The following MCRS1 variants were observed in gnomAD, a reference collection of about 807,000 sequenced individuals.
MCRS1 encodes the protein 58 kDa microspherule protein.
MCRS1 carries 22 observed loss-of-function variants against 62.9 expected under a neutral mutation model. That is an observed-to-expected ratio of 0.35 (90% confidence interval 0.25 to 0.50). The LOEUF (loss-of-function observed/expected upper bound fraction) is 0.50. Ranked by LOEUF, MCRS1 falls within the 20% of genes least tolerant of loss-of-function variation. The pLI is 0.98. For missense variants in MCRS1, 456 were observed against 601.1 expected, an observed-to-expected ratio of 0.76 and a Z score of 2.52; for synonymous variants, 244 against 233.5, an observed-to-expected ratio of 1.04 and a Z score of -0.41.
At chr12:49,558,762 G>A in intron 14 of MCRS1, 33 bp from the exon 15 acceptor site, 1 of 1,613,626 alleles carries the variant, frequency 6.2e-7, no homozygotes, top group South Asian at 1.1e-5. Context: ...TTAAGACAGA[G>A]GTGGCACCAG....
At position 49,564,997 on chromosome 12, in the gene MCRS1, C is replaced by T. The variant is rs1938979417; in HGVS notation, c.289-102G>A. On this transcript the variant is annotated intron_variant, in intron 4 of 14. Transcript: ENST00000343810. ...TACTCTGTGGCAGCGGCAGCCCCAG[C>T]CCCAGCCTCAGCACCAACTCCAGCC... The T allele has an allele frequency of 9.6e-6, 14 of 1,454,790 alleles. No homozygotes were observed. In the South Asian group the frequency reaches 1.7e-4, roughly 17 times the overall value. 90.1% of individuals were successfully genotyped at this position (1,454,790 alleles called of 1,614,324 possible).
At chr12:49,566,019 C>T (rs1356522405) in intron 3 of MCRS1, 58 bp downstream of exon 3, 15 of 1,568,770 alleles carry the variant, frequency 9.6e-6, no homozygotes, top group Non-Finnish European at 1.3e-5. Context: ...GCATGTGGCA[C>T]TTAACGCCAC....
intron 1 of MCRS1, 118 bp downstream of exon 1, chr12:49,567,930 G>A (rs973232387): frequency 4.6e-5 from 7 of 152,244 alleles, no homozygotes; most frequent in African/African-American, 1.4e-4. Flanking sequence ...GCTTTTCGGG[G>A]CGCCACTGGG....
In MCRS1 at chr12:49,559,471, G is replaced by A. The variant is rs1202121352; in HGVS notation, c.1068C>T (p.Tyr356=). The change falls in exon 12 of 15, where the codon TAC becomes TAT. Residue 356 remains tyrosine, a synonymous_variant. Transcript: ENST00000343810. This position sits in a 1 kb window ranked among gnomAD's most constrained non-coding sequence, Gnocchi z 5.2. The part of the protein sequence containing the change: ...LAVLRGRMVR[Y]LMRSREITLG... ...GCCTCACCTCACGCGAGCGCATCAGGTACCGCACCATGCGGCCCCGCAGCA... is the reference window on the plus strand; with the variant it reads ...GCCTCACCTCACGCGAGCGCATCAGATACCGCACCATGCGGCCCCGCAGCA... 1.2e-6 allele frequency: 2 copies of A among 1,613,732 alleles called. No homozygotes were observed. The highest frequency in any genetic ancestry group is 1.1e-5 in the South Asian group (1 of 91,090).
At chr12:49,566,476 T>G (rs745513135) in intron 2 of MCRS1, 5 of 1,557,922 alleles carry the variant, frequency 3.2e-6, no homozygotes, top group Non-Finnish European at 1.7e-6. Flanking sequence ...AGACTGGTGA[T>G]GCCGACACGC....
At chr12:49,562,388 T>C (rs1166521392) in intron 8 of MCRS1, among the ~76,000 whole-genome samples, 1 of 152,198 alleles carries the variant, frequency 6.6e-6, no homozygotes, top group African/African-American at 2.4e-5. Context: ...AGTGCTGTGC[T>C]GTTGAGGCAA....
At chr12:49,564,613 G>C (rs183318411) in intron 5 of MCRS1, 23 bp from the exon 6 acceptor site, 522 of 1,608,928 alleles carry the variant, frequency 3.2e-4, no homozygotes, top group Non-Finnish European at 4.3e-4. Context: ...AGAAGGATTT[G>C]CTCCAGCCTT....
chr12:49,564,578 T>C lies in MCRS1; in HGVS notation c.460A>G (p.Thr154Ala). The change falls in exon 6 of 15, where the codon ACC (threonine) becomes GCC (alanine). Residue 154 changes from threonine (T) to alanine (A), a missense_variant. Transcript: ENST00000343810. ...AATTTCACGCCCAGGTGGACGGAGG[T>C]CAGGTCGTTGGTCTGCAAGGCCCCA... is the stretch of plus-strand genomic sequence containing the variant. ...INAVLQTNDL[T>A]SVHLGVKFSC... 1 of 1,609,912 alleles carries C rather than the reference T, an allele frequency of 6.2e-7. No homozygotes were observed. The highest frequency in any genetic ancestry group is 8.5e-7 in the Non-Finnish European group (1 of 1,178,136).
At position 49,559,042 on chromosome 12, in the gene MCRS1, A is replaced by T; in HGVS notation, c.1175-72T>A. The T allele has an allele frequency of 6.3e-7, 1 of 1,594,036 alleles. No individual in the cohort carries two copies. The highest frequency in any genetic ancestry group is 1.1e-5 in the South Asian group (1 of 90,256). Reference sequence around the variant, plus strand: ...GATGGGATGGGGAAAGGCCAGAGAGAGCCAGGAGCTTCCATGGACCAGCTC... The same window carrying T: ...GATGGGATGGGGAAAGGCCAGAGAGTGCCAGGAGCTTCCATGGACCAGCTC... On this transcript the variant is annotated intron_variant, in intron 13 of 14. Transcript: ENST00000343810. This position sits in a 1 kb window ranked among gnomAD's most constrained non-coding sequence, Gnocchi z 5.2.
chr12:49,559,934 C>A lies in MCRS1; in HGVS notation c.910+5G>T, dbSNP rs770772718. 3.1e-6 allele frequency: 5 copies of A among 1,614,232 alleles called. No individual in the cohort carries two copies. Among genetic ancestry groups the A allele is most frequent in the Non-Finnish European group, 4.2e-6 (5 of 1,180,040 alleles). On this transcript the variant is annotated splice_donor_5th_base_variant and intron_variant, in intron 10 of 14. Coordinates refer to ENST00000343810, the MANE Select transcript of MCRS1 (RefSeq NM_006337.5). This position sits in a 1 kb window ranked among gnomAD's most constrained non-coding sequence, Gnocchi z 5.2. ...CCCCTCACCACCCCATGAGGCCATA[C>A]TTACCATGTTCCAGGACCTCATCTC...
In MCRS1 at chr12:49,564,740, C is replaced by A. The variant is rs778788546; in HGVS notation, c.444G>T (p.Leu148Phe). 4 of 1,610,444 alleles carry A rather than the reference C, an allele frequency of 2.5e-6. No homozygotes were observed. The highest frequency in any genetic ancestry group is 2.2e-5 in the South Asian group (2 of 90,454). Residue 148 changes from leucine (L) to phenylalanine (F), a missense_variant, in exon 5 of 15, where the codon TTG becomes TTT. Physicochemically the swap from Leu to Phe is conservative, Grantham distance 22 (BLOSUM62 0). Transcript: ENST00000343810. ...ADDLLLINAV[L>F]QTNDLTSVHL... ...GAGCCTATGGTGGGGGCACTACCTG[C>A]AACACAGCATTTATGAGCAGGAGGT...
intron 8 of MCRS1, among the ~76,000 whole-genome samples, 156 bp from the exon 9 acceptor site, chr12:49,560,526 T>C (rs920576727): frequency 6.6e-6 from 1 of 152,164 alleles, no homozygotes; most frequent in Admixed American, 6.5e-5. Flanking sequence ...GGCTCTAATT[T>C]GGCACAAAGC....
In MCRS1 at chr12:49,558,454, C is replaced by T; in HGVS notation, c.*189G>A. ...GGGAGGGGCTCTGGATCTAGGGAAG[C>T]CTGAGGTTCTCAGCCTCTGCTGGCT... is the stretch of plus-strand genomic sequence containing the variant. On this transcript the variant is annotated 3_prime_UTR_variant, in exon 15 of 15. Coordinates refer to ENST00000343810, the MANE Select transcript of MCRS1 (RefSeq NM_006337.5). 1.7e-6 allele frequency: 1 copy of T among 584,852 alleles called. No individual in the cohort carries two copies. The highest frequency in any genetic ancestry group is 2.5e-5 in the South Asian group (1 of 40,690). 36.2% of individuals were successfully genotyped at this position (584,852 alleles called of 1,614,324 possible).
intron 9 of MCRS1, 49 bp downstream of exon 9, chr12:49,560,246 A>G: frequency 6.3e-7 from 1 of 1,587,812 alleles, no homozygotes; most frequent in Non-Finnish European, 8.7e-7. Context: ...TCTACCTGAC[A>G]GGAGTGACTC....
chr12:49,564,562 C>T lies in MCRS1; in HGVS notation c.476G>A (p.Gly159Asp), dbSNP rs1162867282. ...GGTGAAGCGGCAGCTGAATTTCACG[C>T]CCAGGTGGACGGAGGTCAGGTCGTT... ...QTNDLTSVHL[G>D]VKFSCRFTLR... Residue 159 changes from glycine (G) to aspartate (D), a missense_variant, in exon 6 of 15, where the codon GGC (glycine) becomes GAC (aspartate). Gly to Asp is a moderately conservative substitution (Grantham distance 94). This residue lies in a region of MCRS1 where 393 missense variants were observed against 523.5 expected (regional missense o/e 0.75). Transcript: ENST00000343810. The T allele has an allele frequency of 6.2e-7, 1 of 1,611,516 alleles. No individual in the cohort carries two copies.
At chr12:49,561,049 GT>G (rs527488559) in intron 8 of MCRS1, among the ~76,000 whole-genome samples, 1 of 150,804 alleles carries the variant, frequency 6.6e-6, no homozygotes, top group Admixed American at 6.6e-5. Context: ...ATGAAAGTCT[GT>G]TTTTTTTTCT....
In MCRS1 at chr12:49,564,908, C is replaced by G. The variant is rs761231514; in HGVS notation, c.289-13G>C. On this transcript the variant is annotated splice_polypyrimidine_tract_variant and intron_variant, in intron 4 of 14. Transcript: ENST00000343810. Reference sequence around the variant, plus strand: ...GGGCTTTGGATACCTGGGCAGAGGACAGGAACAAACCAAGCTCAAAGCCAG... The same window carrying G: ...GGGCTTTGGATACCTGGGCAGAGGAGAGGAACAAACCAAGCTCAAAGCCAG... 5.3e-5 allele frequency: 83 copies of G among 1,562,792 alleles called. No individual in the cohort carries two copies. The highest frequency in any genetic ancestry group is 6.9e-5 in the Non-Finnish European group (80 of 1,152,576).
At chr12:49,562,080 A>T (rs1230124013) in intron 8 of MCRS1, among the ~76,000 whole-genome samples, 1 of 152,192 alleles carries the variant, frequency 6.6e-6, no homozygotes, top group Non-Finnish European at 1.5e-5. Flanking sequence ...CGGGCCACTA[A>T]AATCAGAGGT....
rs1169108434 is a variant in MCRS1 at position 49,568,121 on chromosome 12, T to A, written c.-184A>T. 6.6e-6 allele frequency: 1 copy of A among 152,166 alleles called. No homozygotes were observed. The highest frequency in any genetic ancestry group is 2.4e-5 in the African/African-American group (1 of 41,430). The allele number at this position is 152,166 out of a possible 1,614,324, so 9.4% of individuals were successfully genotyped here. ...GCCGCAGGGCCAAAGCCGGCTTCCG[T>A]GAGGTACGTCTACTTCCGGTTAACG... On this transcript the variant is annotated 5_prime_UTR_variant, in exon 1 of 15. Transcript: ENST00000343810.
Sources: gnomAD v4.1 joint callset for allele counts (sites outside exome capture counted in the v4.1 genomes callset) on GRCh38, gnomAD v4.1.1 for gene constraint, gnomAD v4.1.1 regional missense constraint, Gnocchi (gnomAD v3.1) non-coding constraint, MANE v1.5 for transcripts, NCBI Gene and HGNC (gene_info 2026-07-23, HGNC 2026-07-21) for gene names.